Variants in HDDC2 observed in about 807,000 individuals in gnomAD.
The protein encoded by HDDC2 is HD domain containing 2, also known as 5'-deoxynucleotidase HDDC2.
Under a neutral mutation model 25.5 loss-of-function variants are expected in HDDC2, and 25 were observed. The ratio of observed to expected loss-of-function variants is 0.98; its 90% CI spans 0.72 to 1.37. The LOEUF is 1.37. Ranked by LOEUF, HDDC2 falls within the 40% of genes most tolerant of loss-of-function variation. HDDC2 has a pLI of 0.00. For missense variants in HDDC2, 264 were observed against 253.1 expected, an observed-to-expected ratio of 1.04 and a Z score of -0.29; for synonymous variants, 106 against 89.7, an observed-to-expected ratio of 1.18 and a Z score of -1.03.
intron 4 of HDDC2, among the ~76,000 whole-genome samples, chr6:125,285,292 A>G (rs1315515731): frequency 6.6e-6 from 1 of 152,132 alleles, no homozygotes; most frequent in Admixed American, 6.5e-5. Context: ...CTGCACATGT[A>G]TCCCAGAACT....
intron 3 of HDDC2, 185 bp downstream of exon 3, chr6:125,298,529 T>C (rs1798742443): frequency 1.7e-6 from 1 of 603,410 alleles, no homozygotes; most frequent in South Asian, 2.1e-5. Flanking sequence ...AGATCCATCT[T>C]AATATTCTCC....
intron 1 of HDDC2, among the ~76,000 whole-genome samples, chr6:125,301,570 C>T (rs1300934539): frequency 6.6e-6 from 1 of 150,532 alleles, no homozygotes; most frequent in African/African-American, 2.5e-5. Flanking sequence ...GGCTGCTCTC[C>T]GGGAACTGGC....
At chr6:125,279,728 A>G (rs1798428975) in intron 4 of HDDC2, among the ~76,000 whole-genome samples, 1 of 152,248 alleles carries the variant, frequency 6.6e-6, no homozygotes, top group South Asian at 2.1e-4. Context: ...CAGTAAAACT[A>G]ATTGCCAATC....
At position 125,282,091 on chromosome 6, in the gene HDDC2, A is replaced by G. The variant is rs565100472; in HGVS notation, c.379-4851T>C. ...CTGGGCACGGTGGCTCATGCCTGTA[A>G]TCCAAACACTTTGGGAGGCCCAGGC... On this transcript the variant is annotated intron_variant, in intron 4 of 5. Coordinates refer to ENST00000398153, the MANE Select transcript of HDDC2 (RefSeq NM_016063.3). Among the ~76,000 whole-genome samples the G allele has an allele frequency of 1.3e-4, 20 of 152,320 alleles. 1 individual carries two copies. In the South Asian group the frequency reaches 4.1e-3, roughly 32 times the overall value.
intron 4 of HDDC2, among the ~76,000 whole-genome samples, chr6:125,282,404 C>T (rs1452074013): frequency 6.6e-6 from 1 of 151,084 alleles, no homozygotes; most frequent in South Asian, 2.1e-4. Flanking sequence ...AATTTCATAA[C>T]CAGCCAAACT....
At chr6:125,286,464 A>G (rs972612558) in intron 4 of HDDC2, among the ~76,000 whole-genome samples, 9 of 152,220 alleles carry the variant, frequency 5.9e-5, no homozygotes, top group African/African-American at 1.7e-4. Flanking sequence ...GATAAAGCAA[A>G]TGAGTATTTA....
intron 3 of HDDC2, among the ~76,000 whole-genome samples, chr6:125,294,732 C>T (rs760012691): frequency 1.3e-5 from 2 of 152,128 alleles, no homozygotes; most frequent in Non-Finnish European, 2.9e-5. Context: ...GAACTGAATA[C>T]AGTGATATAT....
chr6:125,298,876 T>C (rs1466698704), intron 2 of HDDC2, 60 bp from the exon 3 acceptor site: 1 of 1,091,980 alleles, frequency 9.2e-7, no homozygotes, highest in African/African-American at 1.6e-5. Context: ...AAGTTCCTTC[T>C]CTATACTCTT....
chr6:125,287,053 A>C (rs1056793848), intron 4 of HDDC2, among the ~76,000 whole-genome samples: 3 of 152,172 alleles, frequency 2.0e-5, no homozygotes, highest in East Asian at 1.9e-4. Context: ...TGTATAAAAT[A>C]AGAGAACAGA....
intron 4 of HDDC2, among the ~76,000 whole-genome samples, chr6:125,290,875 G>A (rs1281892554): frequency 6.6e-6 from 1 of 152,124 alleles, no homozygotes; most frequent in Admixed American, 6.5e-5. Flanking sequence ...CAAATTCAAA[G>A]CCGTTCTAAA....
intron 4 of HDDC2, among the ~76,000 whole-genome samples, chr6:125,280,486 T>G (rs1159892821): frequency 6.6e-6 from 1 of 152,204 alleles, no homozygotes; most frequent in Non-Finnish European, 1.5e-5. Context: ...TAAGATCCAC[T>G]GGCTTGAAAT....
At chr6:125,297,585 A>G in intron 3 of HDDC2, 1 of 402,700 alleles carries the variant, frequency 2.5e-6, no homozygotes, top group Non-Finnish European at 4.3e-6. Flanking sequence ...AAGACACAGT[A>G]ACAGTCTGAT....
chr6:125,300,956 C>T (rs1032531021), intron 1 of HDDC2, among the ~76,000 whole-genome samples: 14 of 152,108 alleles, frequency 9.2e-5, no homozygotes, highest in African/African-American at 3.1e-4. Flanking sequence ...TAAACAAAAA[C>T]AAAACTGCAT....
In HDDC2 at chr6:125,276,175, C is replaced by T; in HGVS notation, c.586G>A (p.Ala196Thr). Residue 196 changes from alanine to threonine, a missense_variant, in exon 6 of 6, where the codon GCT (alanine) becomes ACT (threonine). Ala to Thr is a moderately conservative substitution (Grantham distance 58). Transcript: ENST00000398153. Reference sequence around the variant, plus strand: ...GAGTGTGGCTCACTGGCAGCTGCAGCTATGTTAGTGCTTCTTTCTGCCTCA... The same window carrying T: ...GAGTGTGGCTCACTGGCAGCTGCAGTTATGTTAGTGCTTCTTTCTGCCTCA... ...ELEAERSTNIAAAASEPHS is the reference protein window; with the variant it reads ...ELEAERSTNITAAASEPHS 2 of 1,613,914 alleles carry T rather than the reference C, an allele frequency of 1.2e-6. No homozygotes were observed. The highest frequency in any genetic ancestry group is 1.7e-6 in the Non-Finnish European group (2 of 1,179,816).
intron 3 of HDDC2, among the ~76,000 whole-genome samples, chr6:125,294,687 G>C (rs777070908): frequency 7.2e-5 from 11 of 152,248 alleles, no homozygotes; most frequent in Middle Eastern, 3.4e-3. Flanking sequence ...GCTCTGACAG[G>C]AGACTATTTT....
At chr6:125,301,816 C>T (rs1583058035) in intron 1 of HDDC2, 33 bp downstream of exon 1, 7 of 1,506,834 alleles carry the variant, frequency 4.6e-6, no homozygotes, top group East Asian at 5.0e-5. Context: ...CCCGCCCGCT[C>T]GGCCGCGGCC....
rs1798784275 is a variant in HDDC2, at chr6:125,300,638, C to T, written c.106G>A (p.Val36Ile). The T allele has an allele frequency of 1.2e-6, 2 of 1,613,170 alleles. No homozygotes were observed. The highest frequency in any genetic ancestry group is 2.2e-5 in the East Asian group (1 of 44,878). Residue 36 changes from valine to isoleucine, a missense_variant, in exon 2 of 6, where the codon GTA (valine) becomes ATA (isoleucine). Val to Ile is a conservative substitution (Grantham distance 29). Transcript: ENST00000398153. Reference sequence around the variant, plus strand: ...TCCGGCCTCTGGACATTTCTGTATACCCAGCCAGTTCGTGGGACTCTCTGA... The same window carrying T: ...TCCGGCCTCTGGACATTTCTGTATATCCAGCCAGTTCGTGGGACTCTCTGA... The part of the protein sequence containing the change: ...QLKRVPRTGW[V>I]YRNVQRPESV...
At chr6:125,281,700 T>C (rs76516559) in intron 4 of HDDC2, among the ~76,000 whole-genome samples, 2,918 of 152,184 alleles carry the variant, frequency 0.019, 86 homozygotes, top group African/African-American at 0.067. Flanking sequence ...AATATGGGAC[T>C]ATGTGAAAAG....
intron 2 of HDDC2, chr6:125,300,239 C>T (rs1369619967): frequency 9.2e-6 from 3 of 327,826 alleles, no homozygotes; most frequent in Non-Finnish European, 1.7e-5. Context: ...ACACAGTGTA[C>T]TAATACAATG....
Sources: gnomAD v4.1 joint callset for allele counts (sites outside exome capture counted in the v4.1 genomes callset) on GRCh38, gnomAD v4.1.1 for gene constraint, MANE v1.5 for transcripts, NCBI Gene and HGNC (gene_info 2026-07-23, HGNC 2026-07-21) for gene names.